Variants in MTSS1 observed in about 807,000 individuals in gnomAD.
MTSS1 encodes protein MTSS 1.
Under a neutral mutation model 79.0 loss-of-function variants are expected in MTSS1, and 18 were observed. The observed-to-expected ratio is 0.23, with a 90% confidence interval of 0.16 to 0.34. The LOEUF is 0.34. MTSS1 is among the 10% of genes least tolerant of loss of function. The pLI is 1.00. For synonymous variants in MTSS1, 341 were observed against 368.6 expected (o/e 0.93, Z 0.86); for missense variants, 815 against 986.2 (o/e 0.83, Z 2.33).
intron 3 of MTSS1, among the ~76,000 whole-genome samples, chr8:124,624,917 T>C (rs1227754417): frequency 6.6e-6 from 1 of 152,214 alleles, no homozygotes; most frequent in Non-Finnish European, 1.5e-5. Context: ...TGACACCCAT[T>C]GTCCTTGTTT....
At chr8:124,563,185 T>G in intron 9 of MTSS1, 193 bp from the exon 10 acceptor site, 1 of 593,570 alleles carries the variant, frequency 1.7e-6, no homozygotes, top group Non-Finnish European at 3.0e-6. Flanking sequence ...ATCATGAAGG[T>G]AGTCAACAAA....
intron 3 of MTSS1, among the ~76,000 whole-genome samples, chr8:124,637,420 C>T (rs1349448506): frequency 6.6e-6 from 1 of 152,170 alleles, no homozygotes; most frequent in African/African-American, 2.4e-5. Context: ...ACCTGAGCAG[C>T]ATGGGGTGGG....
intron 3 of MTSS1, among the ~76,000 whole-genome samples, chr8:124,598,641 A>G (rs992160802): frequency 2.6e-5 from 4 of 152,226 alleles, no homozygotes; most frequent in Non-Finnish European, 5.9e-5. Flanking sequence ...AATAGGCAAC[A>G]CATGTTCTCA....
intron 3 of MTSS1, among the ~76,000 whole-genome samples, chr8:124,625,479 G>T (rs1389579326): frequency 6.6e-6 from 1 of 152,192 alleles, no homozygotes; most frequent in East Asian, 1.9e-4. Context: ...CCTAAGGATC[G>T]CAAATGCTGA....
Position 124,552,071 on chromosome 8 carries a change from T to A in MTSS1, c.*921A>T. The A allele has an allele frequency of 6.6e-6, 1 of 152,668 alleles. No individual in the cohort carries two copies. Among genetic ancestry groups the A allele is most frequent in the East Asian group, 1.9e-4 (1 of 5,204 alleles). 9.5% of individuals were successfully genotyped at this position (152,668 alleles called of 1,614,324 possible). A position where few individuals can be genotyped will look rare whatever the true frequency, so the allele number is the denominator to read the frequency against. On this transcript the variant is annotated 3_prime_UTR_variant, in exon 14 of 14. Coordinates refer to ENST00000518547, the MANE Select transcript of MTSS1 (RefSeq NM_014751.6). ...TTATCATTTTTAAATGTTTTCACATTTTTAAAACTGCCTTACCCTTTTGGA... is the reference window on the plus strand; with the variant it reads ...TTATCATTTTTAAATGTTTTCACATATTTAAAACTGCCTTACCCTTTTGGA...
At chr8:124,567,005 C>A in intron 8 of MTSS1, 66 bp downstream of exon 8, 3 of 1,228,860 alleles carry the variant, frequency 2.4e-6, no homozygotes, top group Non-Finnish European at 2.4e-6. Flanking sequence ...GCCACAGGAA[C>A]ACTCAGGGCC....
At chr8:124,615,729 A>G (rs113735498) in intron 3 of MTSS1, among the ~76,000 whole-genome samples, 1 of 152,208 alleles carries the variant, frequency 6.6e-6, no homozygotes, top group African/African-American at 2.4e-5. Flanking sequence ...AAAAATTAAA[A>G]TTTTTTTAAA....
At chr8:124,575,567 G>C (rs1437047371) in intron 6 of MTSS1, among the ~76,000 whole-genome samples, 1 of 96,254 alleles carries the variant, frequency 1.0e-5, no homozygotes, top group African/African-American at 3.2e-5. Flanking sequence ...GCAGGGTAGG[G>C]TGGGTTTTTT....
At position 124,562,779 on chromosome 8, in the gene MTSS1, T is replaced by C; in HGVS notation, c.1035+3A>G. On this transcript the variant is annotated splice_donor_region_variant and intron_variant, in intron 10 of 13. Coordinates refer to ENST00000518547, the MANE Select transcript of MTSS1 (RefSeq NM_014751.6). ...CTGCTCCTGGAGCCAAGGGCACCCT[T>C]ACCTGGTTGGGGGCCTCTGGCGGCA... 6 of 1,613,652 alleles carry C rather than the reference T, an allele frequency of 3.7e-6. No homozygotes were observed. Among genetic ancestry groups the C allele is most frequent in the East Asian group, 2.2e-5 (1 of 44,870 alleles).
intron 9 of MTSS1, among the ~76,000 whole-genome samples, chr8:124,564,244 T>C (rs994031430): frequency 1.9e-4 from 29 of 151,902 alleles, no homozygotes; most frequent in Non-Finnish European, 1.3e-4. Context: ...AAAGAGCAGT[T>C]GTAGAGGCAG....
At chr8:124,707,804 A>T (rs1271691255) in intron 1 of MTSS1, among the ~76,000 whole-genome samples, 1 of 152,024 alleles carries the variant, frequency 6.6e-6, no homozygotes, top group African/African-American at 2.4e-5. Flanking sequence ...TGAGCCCGGG[A>T]GATCGAAGCT....
intron 3 of MTSS1, chr8:124,697,990 T>G (rs934665933): frequency 6.6e-6 from 1 of 152,198 alleles, no homozygotes; most frequent in African/African-American, 2.4e-5. Context: ...TTTTCTATAT[T>G]CCCCTAGCAC....
intron 12 of MTSS1, 51 bp downstream of exon 12, chr8:124,556,181 C>G: frequency 6.2e-7 from 1 of 1,612,196 alleles, no homozygotes; most frequent in Non-Finnish European, 8.5e-7. Context: ...GAATGTGATC[C>G]CCAGCCAGGC....
chr8:124,727,950 C>T lies in MTSS1; in HGVS notation c.6G>A (p.Glu2=), dbSNP rs1439956244. The change falls in exon 1 of 14, where the codon GAG becomes GAA. Residue 2 remains glutamate (E), a synonymous_variant. Coordinates refer to ENST00000518547, the MANE Select transcript of MTSS1 (RefSeq NM_014751.6). This position sits in a 1 kb window ranked among gnomAD's most constrained non-coding sequence, Gnocchi z 4.7. M[E]AVIEKECSAL... is the part of the protein sequence containing the mutation. ...CGCTGCATTCCTTCTCAATCACAGC[C>T]TCCATTTTCCCGGCTCCGGCAGGGC... The T allele has an allele frequency of 6.2e-7, 1 of 1,609,788 alleles. No individual in the cohort carries two copies. The highest frequency in any genetic ancestry group is 1.7e-5 in the Admixed American group (1 of 59,614).
chr8:124,670,166 G>A (rs1430123420), intron 3 of MTSS1, among the ~76,000 whole-genome samples: 1 of 152,186 alleles, frequency 6.6e-6, no homozygotes, highest in Non-Finnish European at 1.5e-5. Context: ...GGTGTGCAGT[G>A]GGAGGAGGAT....
intron 9 of MTSS1, 53 bp from the exon 10 acceptor site, chr8:124,563,045 A>G: frequency 6.8e-7 from 1 of 1,475,366 alleles, no homozygotes; most frequent in Non-Finnish European, 9.2e-7. Context: ...AAGAAAGGGG[A>G]GCAGTGGTAA....
chr8:124,619,663 C>T (rs117475927), intron 3 of MTSS1, among the ~76,000 whole-genome samples: 266 of 141,850 alleles, frequency 1.9e-3, no homozygotes, highest in Middle Eastern at 6.9e-3. Flanking sequence ...TCTGGTTAAT[C>T]TTTTCAGACT....
chr8:124,578,203 T>C (rs1586946927), intron 6 of MTSS1, among the ~76,000 whole-genome samples: 1 of 151,630 alleles, frequency 6.6e-6, no homozygotes, highest in Admixed American at 6.6e-5. Flanking sequence ...TAGCCAGGGG[T>C]CACTATGGTT....
intron 3 of MTSS1, among the ~76,000 whole-genome samples, chr8:124,631,117 G>C (rs1029892891): frequency 6.6e-6 from 1 of 152,194 alleles, no homozygotes; most frequent in Non-Finnish European, 1.5e-5. Context: ...TCGCCCTTGA[G>C]CCTGAAACAT....
Sources: allele counts gnomAD v4.1 joint callset (sites outside exome capture counted in the v4.1 genomes callset), GRCh38; gene constraint gnomAD v4.1.1; non-coding constraint Gnocchi (gnomAD v3.1); transcripts MANE v1.5; gene names NCBI Gene and HGNC (gene_info 2026-07-23, HGNC 2026-07-21).